The following ATRNL1 variants were observed in gnomAD, a reference collection of about 807,000 sequenced individuals.
ATRNL1 encodes attractin-like protein 1.
Under a neutral mutation model 182.7 loss-of-function variants are expected in ATRNL1, and 95 were observed. That is an observed-to-expected ratio of 0.52 (90% CI 0.44 to 0.62). The LOEUF (loss-of-function observed/expected upper bound fraction) is 0.62. ATRNL1 is among the 20% of genes least tolerant of loss of function. The pLI, the probability that ATRNL1 is intolerant of heterozygous loss-of-function variation, is 0.00. For missense variants in ATRNL1, 1,471 were observed against 1,679.5 expected (o/e 0.88, Z 2.17); for synonymous variants, 576 against 568.3 (o/e 1.01, Z -0.19).
At position 115,868,822 on chromosome 10, in the gene ATRNL1, C is replaced by CTTTTTTT. The variant is rs67676674; in HGVS notation, c.4018+20850_4018+20856dup. Among the ~76,000 whole-genome samples the CTTTTTTT allele has an allele frequency of 1.4e-3, 81 of 58,090 alleles. 3 individuals are homozygous for CTTTTTTT. Among genetic ancestry groups the CTTTTTTT allele is most frequent in the African/African-American group, 4.6e-3 (76 of 16,648 alleles). 38.1% of individuals were successfully genotyped at this position (58,090 alleles called of 152,430 possible). ...ATATATCTGGTGGCAAGTCTTTATTCTTTTTTTTTTTTTTTTTTTTTTTTT... is the reference window on the plus strand; with the variant it reads ...ATATATCTGGTGGCAAGTCTTTATTCTTTTTTTTTTTTTTTTTTTTTTTTTTTTTTTT... On this transcript the variant is annotated intron_variant, in intron 28 of 28. Coordinates refer to ENST00000355044, the MANE Select transcript of ATRNL1 (RefSeq NM_207303.4).
chr10:115,781,909 T>A (rs916614242), intron 27 of ATRNL1, among the ~76,000 whole-genome samples: 1 of 152,222 alleles, frequency 6.6e-6, no homozygotes, highest in East Asian at 1.9e-4. Flanking sequence ...TCAGCTGTTA[T>A]ATAGTAGCAA....
chr10:115,176,945 T>C lies in ATRNL1; in HGVS notation c.1348+5653T>C, dbSNP rs1414448715. 2.6e-5 allele frequency among the ~76,000 whole-genome samples: 4 copies of C among 151,958 alleles called. No individual in the cohort carries two copies. The East Asian group carries it at 7.7e-4, about 29-fold the overall frequency. ...AAAGATTTGGGCTGAAGGTGTAAAT[T>C]TGGGAGTTCTTGGGAGTTCTTAAAG... On this transcript the variant is annotated intron_variant, in intron 8 of 28. Coordinates refer to ENST00000355044, the MANE Select transcript of ATRNL1 (RefSeq NM_207303.4).
At chr10:115,148,762 T>C (rs1382609203) in intron 5 of ATRNL1, among the ~76,000 whole-genome samples, 28 of 150,384 alleles carry the variant, frequency 1.9e-4, no homozygotes, top group South Asian at 1.5e-3. Flanking sequence ...TTTTTTTTTT[T>C]TTTCTTTCTA....
At chr10:115,751,458 CAG>C (rs1948446754) in intron 27 of ATRNL1, among the ~76,000 whole-genome samples, 1 of 152,038 alleles carries the variant, frequency 6.6e-6, no homozygotes, top group African/African-American at 2.4e-5. Flanking sequence ...TGTGAGAAAA[CAG>C]GCACTTTCAT....
At chr10:115,925,823 T>G (rs1953213591) in intron 28 of ATRNL1, among the ~76,000 whole-genome samples, 2 of 152,038 alleles carry the variant, frequency 1.3e-5, no homozygotes, top group Admixed American at 1.3e-4. Flanking sequence ...GTAGGAGATT[T>G]TAACACACTT....
intron 27 of ATRNL1, among the ~76,000 whole-genome samples, chr10:115,834,079 A>G (rs138529431): frequency 1.1e-3 from 170 of 152,266 alleles, no homozygotes; most frequent in African/African-American, 3.9e-3. Context: ...CTTTCTATCT[A>G]CAGTTAATTT....
chr10:115,374,197 G>T (rs1857538714), intron 19 of ATRNL1, among the ~76,000 whole-genome samples: 1 of 151,552 alleles, frequency 6.6e-6, no homozygotes, highest in African/African-American at 2.4e-5. Flanking sequence ...GATATTAGTT[G>T]TAACACTTCT....
intron 26 of ATRNL1, among the ~76,000 whole-genome samples, chr10:115,595,307 A>G (rs1856174462): frequency 6.6e-6 from 1 of 152,074 alleles, no homozygotes; most frequent in South Asian, 2.1e-4. Flanking sequence ...AGACACTGAT[A>G]TAATCTATAT....
At chr10:115,792,761 A>G (rs1555082035) in intron 27 of ATRNL1, among the ~76,000 whole-genome samples, 4 of 152,048 alleles carry the variant, frequency 2.6e-5, no homozygotes, top group Admixed American at 6.5e-5. Flanking sequence ...TCATTCAAAG[A>G]ACAGGTTTTT....
chr10:115,738,127 T>TG, intron 27 of ATRNL1, among the ~76,000 whole-genome samples: 2 of 22,644 alleles, frequency 8.8e-5, no homozygotes, highest in Non-Finnish European at 1.8e-4. Flanking sequence ...AAGATAATGA[T>TG]TTTTTTTTTT....
chr10:115,451,365 G>A (rs550553998), intron 21 of ATRNL1, among the ~76,000 whole-genome samples: 27 of 152,124 alleles, frequency 1.8e-4, no homozygotes, highest in South Asian at 8.3e-4. Context: ...CAAACTATGC[G>A]TCTATCAAAG....
intron 21 of ATRNL1, among the ~76,000 whole-genome samples, chr10:115,435,029 C>CTTTTT (rs34902658): frequency 3.1e-5 from 4 of 130,960 alleles, no homozygotes; most frequent in Admixed American, 7.7e-5. Flanking sequence ...AAACCTGGGA[C>CTTTTT]TTTTTTTTTT....
chr10:115,183,075 G>A (rs1050581441), intron 8 of ATRNL1, among the ~76,000 whole-genome samples: 1 of 151,256 alleles, frequency 6.6e-6, no homozygotes, highest in Non-Finnish European at 1.5e-5. Context: ...AGTTTCCCAA[G>A]AATGGAAGCA....
At chr10:115,752,542 T>G (rs1347728139) in intron 27 of ATRNL1, among the ~76,000 whole-genome samples, 1 of 151,976 alleles carries the variant, frequency 6.6e-6, no homozygotes, top group Admixed American at 6.6e-5. Context: ...TTACATTTAG[T>G]GTAGTGGAGA....
intron 24 of ATRNL1, among the ~76,000 whole-genome samples, chr10:115,492,384 A>G (rs1849341589): frequency 6.6e-6 from 1 of 151,992 alleles, no homozygotes; most frequent in Admixed American, 6.6e-5. Flanking sequence ...TAATGTTTTG[A>G]AAAATTAGAG....
Position 115,462,025 on chromosome 10 carries a change from A to G in ATRNL1, c.3407A>G (p.Asn1136Ser). 6.2e-7 allele frequency: 1 copy of G among 1,604,992 alleles called. No homozygotes were observed. Among genetic ancestry groups the G allele is most frequent in the Non-Finnish European group, 8.5e-7 (1 of 1,174,950 alleles). The change falls in exon 22 of 29, where the codon AAC (asparagine) becomes AGC (serine). Residue 1136 changes from asparagine (N) to serine (S), a missense_variant. This residue lies in a region of ATRNL1 where 437 missense variants were observed against 506.0 expected (regional missense o/e 0.86). Coordinates refer to ENST00000355044, the MANE Select transcript of ATRNL1 (RefSeq NM_207303.4). ...CATACTGCCATAAACTTTATAGCAA[A>G]CCCAGAACAGGTGAGGAAAAATTGT... is the stretch of plus-strand genomic sequence containing the variant. Reference protein sequence around the residue: ...RHHTAINFIANPEQSNKNLDI... With the variant: ...RHHTAINFIASPEQSNKNLDI...
At chr10:115,227,852 A>G (rs1436015673) in intron 9 of ATRNL1, among the ~76,000 whole-genome samples, 1 of 152,136 alleles carries the variant, frequency 6.6e-6, no homozygotes, top group Non-Finnish European at 1.5e-5. Flanking sequence ...AAAAGAAAAC[A>G]GTATATTCTT....
intron 17 of ATRNL1, among the ~76,000 whole-genome samples, chr10:115,303,230 T>G (rs202010882): frequency 0.29 from 42,747 of 145,272 alleles, 7,414 homozygotes; most frequent in Middle Eastern, 0.43. Flanking sequence ...GGTTTTTTTT[T>G]TTTTTTTTTT....
intron 7 of ATRNL1, among the ~76,000 whole-genome samples, chr10:115,168,324 T>A (rs1277801777): frequency 1.3e-5 from 2 of 152,262 alleles, no homozygotes; most frequent in East Asian, 3.9e-4. Context: ...TATGTTTTCA[T>A]TTCTTTTGGG....
Sources: allele counts gnomAD v4.1 joint callset (sites outside exome capture counted in the v4.1 genomes callset), GRCh38; gene constraint gnomAD v4.1.1; regional missense constraint gnomAD v4.1.1; transcripts MANE v1.5; gene names NCBI Gene and HGNC (gene_info 2026-07-23, HGNC 2026-07-21).